POP4: variants seen among roughly 807,000 people sequenced by gnomAD.
POP4 encodes POP4 ribonuclease P/MRP subunit, also known as ribonuclease P protein subunit p29.
POP4 carries 31 observed loss-of-function variants against 29.9 expected under a neutral mutation model. The observed-to-expected ratio is 1.04, with a 90% CI of 0.78 to 1.40. The LOEUF is 1.40. Ranked by LOEUF, POP4 falls within the 40% of genes most tolerant of loss-of-function variation. POP4 has a pLI of 0.00. For synonymous variants in POP4, 110 were observed against 108.2 expected, an observed-to-expected ratio of 1.02 and a Z score of -0.10; for missense variants, 286 against 282.7, an observed-to-expected ratio of 1.01 and a Z score of -0.08.
chr19:29,611,739 C>A, intron 3 of POP4, 123 bp from the exon 4 acceptor site: 1 of 786,520 alleles, frequency 1.3e-6, no homozygotes, highest in Non-Finnish European at 2.1e-6. Context: ...GTCGGATTTG[C>A]ACATAGTTCC....
chr19:29,613,751 G>C (rs2145558902), intron 5 of POP4, 120 bp from the exon 6 acceptor site: 1 of 1,467,032 alleles, frequency 6.8e-7, no homozygotes, highest in Non-Finnish European at 9.0e-7. Context: ...TGGGTGCTCT[G>C]TTCTTTCATC....
intron 5 of POP4, among the ~76,000 whole-genome samples, chr19:29,612,455 G>C (rs1971081277): frequency 6.6e-6 from 1 of 152,142 alleles, no homozygotes; most frequent in African/African-American, 2.4e-5. Flanking sequence ...CAGTGGCTGC[G>C]AGCACTCACC....
intron 1 of POP4, 48 bp from the exon 2 acceptor site, chr19:29,608,609 C>G: frequency 6.4e-7 from 1 of 1,571,156 alleles, no homozygotes; most frequent in Non-Finnish European, 8.8e-7. Context: ...TTGGGTCTTA[C>G]AGCCATACCC....
intron 2 of POP4, chr19:29,610,109 TAGAA>T (rs1971046496): frequency 5.0e-6 from 2 of 397,798 alleles, no homozygotes; most frequent in East Asian, 4.5e-5. Context: ...TTCTTCAAGA[TAGAA>T]AGGTTTTGGT....
Position 29,615,368 on chromosome 19 carries a change from G to A in POP4, c.651G>A (p.Thr217=), listed in dbSNP as rs16963103. The change falls in exon 7 of 7, where the codon ACG becomes ACA. Residue 217 remains threonine (T), a synonymous_variant. Transcript: ENST00000585603. ...RSAKKFKAKG[T]IDL ...CGAAGAAGTTCAAAGCGAAGGGAACGATTGACCTGTGAATTCTTTGCCGTC... is the reference window on the plus strand; with the variant it reads ...CGAAGAAGTTCAAAGCGAAGGGAACAATTGACCTGTGAATTCTTTGCCGTC... 35,970 of 1,613,288 alleles carry A rather than the reference G, an allele frequency of 0.022. 483 individuals carry two copies. Among genetic ancestry groups the A allele is most frequent in the Middle Eastern group, 0.049 (299 of 6,062 alleles).
At chr19:29,614,361 G>A (rs930210449) in intron 6 of POP4, among the ~76,000 whole-genome samples, 14 of 152,244 alleles carry the variant, frequency 9.2e-5, no homozygotes, top group African/African-American at 2.2e-4. Flanking sequence ...GTTCTGAGCT[G>A]TGTCCTTGGC....
intron 2 of POP4, 100 bp downstream of exon 2, chr19:29,608,809 A>G (rs1971034026): frequency 2.7e-6 from 3 of 1,113,684 alleles, no homozygotes; most frequent in Admixed American, 1.8e-5. Flanking sequence ...CCTTTCCCAC[A>G]TCATACTCCT....
chr19:29,608,717 C>A lies in POP4; in HGVS notation c.60+8C>A. 1 of 1,613,394 alleles carries A rather than the reference C, an allele frequency of 6.2e-7. No homozygotes were observed. The highest frequency in any genetic ancestry group is 8.5e-7 in the Non-Finnish European group (1 of 1,179,358). ...AATGACTCCGATGTCCAGGTCAGTT[C>A]TTGGCAGGGAGTCCAGGAGCAACAG... On this transcript the variant is annotated splice_region_variant and intron_variant, in intron 2 of 6. Transcript: ENST00000585603.
chr19:29,615,419 A>C lies in POP4; in HGVS notation c.*39A>C, dbSNP rs778911203. The C allele has an allele frequency of 1.3e-6, 2 of 1,599,594 alleles. No individual in the cohort carries two copies. Among genetic ancestry groups the C allele is most frequent in the Non-Finnish European group, 1.7e-6 (2 of 1,170,942 alleles). ...TAAGGCAGTTGTTTATGACAGCTGA[A>C]AACTGGACACTCCCTAAATGTCCAC... is the stretch of plus-strand genomic sequence containing the variant. On this transcript the variant is annotated 3_prime_UTR_variant, in exon 7 of 7. Transcript: ENST00000585603.
rs780819724 is a variant in POP4 at position 29,610,446 on chromosome 19, C to A, written c.98C>A (p.Ala33Asp). The A allele has an allele frequency of 6.3e-7, 1 of 1,588,742 alleles. No individual in the cohort carries two copies. The highest frequency in any genetic ancestry group is 8.6e-7 in the Non-Finnish European group (1 of 1,167,686). The change falls in exon 3 of 7, where the codon GCC (alanine) becomes GAC (aspartate). Residue 33 changes from alanine (A) to aspartate (D), a missense_variant. By Grantham distance (126) the Ala-to-Asp change is moderately radical (BLOSUM62 -2). Coordinates refer to ENST00000585603, the MANE Select transcript of POP4 (RefSeq NM_006627.3). ...CAGCGGGCCGAGGCCTTCGTGAGGG[C>A]CTTCCTGAAGCGCAGCACGCCCCGC... ...GAQRAEAFVR[A>D]FLKRSTPRMS...
chr19:29,612,455 G>A (rs1971081277), intron 5 of POP4, among the ~76,000 whole-genome samples: 1 of 152,142 alleles, frequency 6.6e-6, no homozygotes, highest in African/African-American at 2.4e-5. Flanking sequence ...CAGTGGCTGC[G>A]AGCACTCACC....
At chr19:29,611,822 A>T in intron 3 of POP4, 40 bp from the exon 4 acceptor site, 2 of 1,544,146 alleles carry the variant, frequency 1.3e-6, no homozygotes, top group South Asian at 1.1e-5. Context: ...TCCCAAGCTC[A>T]TGTTGTCTAA....
rs899777366 is a variant in POP4, at chr19:29,615,406, T to C, written c.*26T>C. The C allele has an allele frequency of 6.2e-7, 1 of 1,605,916 alleles. No individual in the cohort carries two copies. Among genetic ancestry groups the C allele is most frequent in the African/African-American group, 1.3e-5 (1 of 74,714 alleles). ...ATTCTTTGCCGTCTAAGGCAGTTGT[T>C]TATGACAGCTGAAAACTGGACACTC... On this transcript the variant is annotated 3_prime_UTR_variant, in exon 7 of 7. Coordinates refer to ENST00000585603, the MANE Select transcript of POP4 (RefSeq NM_006627.3).
In POP4 at chr19:29,616,589, G is replaced by C. The variant is rs1241075144; in HGVS notation, c.*1209G>C. The C allele has an allele frequency of 6.6e-6, 1 of 152,506 alleles. No homozygotes were observed. Among genetic ancestry groups the C allele is most frequent in the African/African-American group, 2.4e-5 (1 of 41,478 alleles). The allele number at this position is 152,506 out of a possible 1,614,324, so 9.4% of individuals were successfully genotyped here. On this transcript the variant is annotated 3_prime_UTR_variant, in exon 7 of 7. Transcript: ENST00000585603. ...AAGGGAAGTGGGAGCGCTGACTGCT[G>C]TGTGCCAGGAGAGTAGAAAGGCCCA...
chr19:29,609,053 A>C (rs1197328989), intron 2 of POP4: 4 of 208,650 alleles, frequency 1.9e-5, no homozygotes, highest in Non-Finnish European at 2.9e-5. Context: ...GTGTGCAATC[A>C]CATATCATAA....
At chr19:29,611,828 T>G (rs1209703788) in intron 3 of POP4, 34 bp from the exon 4 acceptor site, 13 of 1,574,432 alleles carry the variant, frequency 8.3e-6, no homozygotes, top group Non-Finnish European at 1.1e-5. Context: ...GCTCATGTTG[T>G]CTAACTTTTT....
At chr19:29,608,765 G>A in intron 2 of POP4, 56 bp downstream of exon 2, 3 of 1,523,222 alleles carry the variant, frequency 2.0e-6, no homozygotes, top group South Asian at 2.2e-5. Context: ...AGATGGCTCA[G>A]TAGCTTCTGA....
intron 6 of POP4, among the ~76,000 whole-genome samples, chr19:29,614,272 G>C (rs774164507): frequency 2.8e-4 from 42 of 152,202 alleles, no homozygotes; most frequent in Non-Finnish European, 5.1e-4. Context: ...GCCTCCACCT[G>C]CCCCAAAGGC....
At chr19:29,607,506 C>G (rs1157989331) in intron 1 of POP4, among the ~76,000 whole-genome samples, 9 of 152,020 alleles carry the variant, frequency 5.9e-5, no homozygotes, top group Admixed American at 5.9e-4. Flanking sequence ...ATCAAACATT[C>G]TCAGGGAAGT....
Sources: gnomAD v4.1 joint callset for allele counts (sites outside exome capture counted in the v4.1 genomes callset) on GRCh38, gnomAD v4.1.1 for gene constraint, MANE v1.5 for transcripts, NCBI Gene and HGNC (gene_info 2026-07-23, HGNC 2026-07-21) for gene names.